Variants in NEMF observed in about 807,000 individuals in gnomAD.
NEMF encodes the protein nuclear export mediator factor.
NEMF carries 89 observed loss-of-function variants against 162.2 expected under a neutral mutation model. The ratio of observed to expected loss-of-function variants is 0.55; its 90% CI spans 0.46 to 0.65. NEMF has a LOEUF of 0.65. NEMF is among the 30% of genes least tolerant of loss of function. NEMF has a pLI of 0.00. For synonymous variants in NEMF, 421 were observed against 404.5 expected, an observed-to-expected ratio of 1.04 and a Z score of -0.49; for missense variants, 1,133 against 1,261.9, an observed-to-expected ratio of 0.90 and a Z score of 1.55.
chr14:49,817,141 T>C (rs1282914742), intron 16 of NEMF, among the ~76,000 whole-genome samples: 1 of 152,046 alleles, frequency 6.6e-6, no homozygotes, highest in Non-Finnish European at 1.5e-5. Context: ...AAGGTTGAAA[T>C]ATAATGATGA....
chr14:49,828,830 T>C, intron 13 of NEMF, 23 bp from the exon 14 acceptor site: 1 of 1,499,832 alleles, frequency 6.7e-7, no homozygotes, highest in East Asian at 2.3e-5. Flanking sequence ...TTCAATAGCA[T>C]TTCACTAACG....
intron 26 of NEMF, among the ~76,000 whole-genome samples, chr14:49,794,535 G>C (rs775156283): frequency 3.3e-5 from 5 of 150,592 alleles, no homozygotes; most frequent in Non-Finnish European, 7.4e-5. Context: ...GTGAGCCCAG[G>C]AGTTCAAAGC....
intron 29 of NEMF, 49 bp downstream of exon 29, chr14:49,786,669 T>C: frequency 6.6e-7 from 1 of 1,524,282 alleles, no homozygotes; most frequent in South Asian, 1.1e-5. Context: ...TTCTGGGAAC[T>C]GAATTGTAAT....
At chr14:49,793,082 A>G (rs563482816) in intron 26 of NEMF, among the ~76,000 whole-genome samples, 1 of 152,338 alleles carries the variant, frequency 6.6e-6, no homozygotes, top group Non-Finnish European at 1.5e-5. Flanking sequence ...TCCTTCAACA[A>G]CCCAAAGGAA....
At chr14:49,815,746 C>T (rs992396388) in intron 16 of NEMF, among the ~76,000 whole-genome samples, 5 of 152,102 alleles carry the variant, frequency 3.3e-5, no homozygotes, top group African/African-American at 9.7e-5. Flanking sequence ...GGGCGGATCA[C>T]GAGCTCAGGA....
chr14:49,782,593 C>T lies in NEMF; in HGVS notation c.*2043G>A, dbSNP rs749817777. On this transcript the variant is annotated 3_prime_UTR_variant, in exon 33 of 33. Coordinates refer to ENST00000298310, the MANE Select transcript of NEMF (RefSeq NM_004713.6). ...TTCAGTTCAACCAAAATCTCTTGTA[C>T]GGTAAGTAACTTTGTACTTGGCACT... is the stretch of plus-strand genomic sequence containing the variant. 1.9e-4 allele frequency: 311 copies of T among 1,598,808 alleles called. No individual in the cohort carries two copies. Among genetic ancestry groups the T allele is most frequent in the Non-Finnish European group, 2.4e-4 (284 of 1,169,752 alleles).
chr14:49,846,361 G>C, intron 3 of NEMF, 96 bp from the exon 4 acceptor site: 2 of 1,148,002 alleles, frequency 1.7e-6, no homozygotes, highest in Non-Finnish European at 2.5e-6. Context: ...TTATCATCAG[G>C]AATATTTAAA....
rs1470217099 is a variant in NEMF at position 49,800,684 on chromosome 14, G to A, written c.2108C>T (p.Thr703Met). The change falls in exon 23 of 33, where the codon ACG (threonine) becomes ATG (methionine). Residue 703 changes from threonine to methionine, a missense_variant. By Grantham distance (81) the Thr-to-Met change is moderately conservative. Coordinates refer to ENST00000298310, the MANE Select transcript of NEMF (RefSeq NM_004713.6). ...TTCTTCTTTATCCTCATCACTGCTC[G>A]TGTCACCTCCATCTGTAGAATTATC... ...EEMEQLDGGD[T>M]SSDEDKEEHE... 17 of 1,612,822 alleles carry A rather than the reference G, an allele frequency of 1.1e-5. No individual in the cohort carries two copies. The highest frequency in any genetic ancestry group is 3.3e-5 in the Admixed American group (2 of 59,926).
intron 18 of NEMF, among the ~76,000 whole-genome samples, chr14:49,812,106 T>A (rs375544408): frequency 6.6e-6 from 1 of 152,308 alleles, no homozygotes; most frequent in East Asian, 1.9e-4. Flanking sequence ...TACTTACAGG[T>A]TTATTTCAAT....
At chr14:49,843,836 T>G (rs552125033) in intron 4 of NEMF, among the ~76,000 whole-genome samples, 26 of 152,170 alleles carry the variant, frequency 1.7e-4, no homozygotes, top group South Asian at 4.1e-4. Context: ...CAGTGGCTCA[T>G]GCCTGTGATC....
Position 49,800,668 on chromosome 14 carries a change from A to C in NEMF, c.2124T>G (p.Asp708Glu), listed in dbSNP as rs1471859486. Residue 708 changes from aspartate to glutamate, a missense_variant, in exon 23 of 33, where the codon GAT (aspartate) becomes GAG (glutamate). Transcript: ENST00000298310. ...LDGGDTSSDE[D>E]KEEHETPVEV... The stretch of plus-strand genomic sequence containing the variant: ...CCACAGGAGTTTCATGTTCTTCTTT[A>C]TCCTCATCACTGCTCGTGTCACCTC... The C allele has an allele frequency of 6.2e-7, 1 of 1,613,826 alleles. No individual in the cohort carries two copies. The highest frequency in any genetic ancestry group is 1.1e-5 in the South Asian group (1 of 91,070).
chr14:49,790,286 A>ATAC (rs1255403462), intron 26 of NEMF, among the ~76,000 whole-genome samples: 1 of 152,232 alleles, frequency 6.6e-6, no homozygotes, highest in African/African-American at 2.4e-5. Context: ...AACGCTTGCA[A>ATAC]TACATATATC....
rs1174911644 is a variant in NEMF at position 49,789,244 on chromosome 14, G to A, written c.2797C>T (p.Gln933Ter). The part of the protein sequence containing the change: ...KKQPQKPRGG[Q>*]RVSDNIKKET... ...TTCTTAATGTTGTCAGAGACCCTCT[G>A]TCCACCTCTAGGTTTCTGGGGCTGT... Residue 933 changes from glutamine (Q) to a stop codon, truncating the protein, a stop_gained, in exon 28 of 33, where the codon CAG becomes TAG. Transcript: ENST00000298310. LOFTEE classifies it high-confidence loss of function. The A allele has an allele frequency of 6.2e-7, 1 of 1,613,936 alleles. No individual in the cohort carries two copies. The highest frequency in any genetic ancestry group is 8.5e-7 in the Non-Finnish European group (1 of 1,179,934).
At chr14:49,842,064 C>T (rs1893239624) in intron 4 of NEMF, among the ~76,000 whole-genome samples, 1 of 151,434 alleles carries the variant, frequency 6.6e-6, no homozygotes, top group African/African-American at 2.4e-5. Flanking sequence ...GAGATCACGC[C>T]ATTGCACTCC....
intron 18 of NEMF, among the ~76,000 whole-genome samples, chr14:49,813,669 GTGT>G (rs1891586569): frequency 4.5e-4 from 1 of 2,198 alleles, no homozygotes; most frequent in African/African-American, 1.1e-3. Flanking sequence ...TTAGGTGTGT[GTGT>G]GTGTGTGTGT....
chr14:49,805,160 A>G (rs148181951), intron 19 of NEMF, among the ~76,000 whole-genome samples: 2 of 152,348 alleles, frequency 1.3e-5, no homozygotes, highest in African/African-American at 4.8e-5. Flanking sequence ...TAATCCCCCT[A>G]TATGACAATA....
At chr14:49,787,399 C>T (rs1307246911) in intron 28 of NEMF, among the ~76,000 whole-genome samples, 4 of 152,186 alleles carry the variant, frequency 2.6e-5, no homozygotes, top group East Asian at 1.9e-4. Flanking sequence ...AAAGATGGTA[C>T]CTTAGGCTGG....
chr14:49,831,515 G>A (rs989051569), intron 10 of NEMF, among the ~76,000 whole-genome samples, 154 bp from the exon 11 acceptor site: 6 of 151,794 alleles, frequency 4.0e-5, no homozygotes, highest in African/African-American at 1.5e-4. Flanking sequence ...TAGGCTCACT[G>A]CAACTTCCAC....
chr14:49,784,945 C>A lies in NEMF; in HGVS notation c.3133G>T (p.Asp1045Tyr). 2 of 1,613,790 alleles carry A rather than the reference C, an allele frequency of 1.2e-6. No homozygotes were observed. Among genetic ancestry groups the A allele is most frequent in the Non-Finnish European group, 1.7e-6 (2 of 1,179,854 alleles). The change falls in exon 32 of 33, where the codon GAC becomes TAC. Residue 1045 changes from aspartate (D) to tyrosine (Y), a missense_variant. Transcript: ENST00000298310. Reference protein sequence around the residue: ...HSKEATAREKDLFRSVKDTDL... With the variant: ...HSKEATAREKYLFRSVKDTDL... ...TTTACCTTTACGCTGCGGAATAAGT[C>A]TTTTTCTCTTGCTGTTGCTTCTTTG...
Sources: allele counts gnomAD v4.1 joint callset (sites outside exome capture counted in the v4.1 genomes callset), GRCh38; gene constraint gnomAD v4.1.1; transcripts MANE v1.5; gene names NCBI Gene and HGNC (gene_info 2026-07-23, HGNC 2026-07-21).